Variants in TRAF2 observed in about 807,000 individuals in gnomAD.
TRAF2 encodes the protein TNF receptor associated factor 2, also known as TNF receptor-associated factor 2.
TRAF2 carries 6 observed loss-of-function variants against 55.6 expected under a neutral mutation model. The ratio of observed to expected loss-of-function variants is 0.11; its 90% CI spans 0.06 to 0.21. The LOEUF (loss-of-function observed/expected upper bound fraction) is 0.21, where lower values mean the gene tolerates loss of function less well. Among genes scored for constraint, TRAF2 ranks in the 10% least tolerant of loss-of-function variants. TRAF2 has a pLI of 1.00. For missense variants in TRAF2, 561 were observed against 684.5 expected, an observed-to-expected ratio of 0.82 and a Z score of 2.01; for synonymous variants, 329 against 276.3, an observed-to-expected ratio of 1.19 and a Z score of -1.89.
At chr9:136,892,196 G>C (rs1385829274) in intron 1 of TRAF2, among the ~76,000 whole-genome samples, 1 of 151,396 alleles carries the variant, frequency 6.6e-6, no homozygotes. Flanking sequence ...AGGCGCGGTG[G>C]CTCACGCCTG....
In TRAF2 at chr9:136,902,441, G is replaced by A. The variant is rs771016990; in HGVS notation, c.366+1921G>A. 3.3e-5 allele frequency: 5 copies of A among 152,440 alleles called. No homozygotes were observed. In the East Asian group the frequency reaches 9.6e-4, roughly 29 times the overall value. The allele number at this position is 152,440 out of a possible 1,614,324, so 9.4% of individuals were successfully genotyped here. A position where few individuals can be genotyped will look rare whatever the true frequency, so the allele number is the denominator to read the frequency against. ...CTCTGCACTGGACCCTGAGTCCTCT[G>A]GGGTCTCTGCCACCTCCAGGCTCAT... is the stretch of plus-strand genomic sequence containing the variant. On this transcript the variant is annotated intron_variant, in intron 4 of 10. Transcript: ENST00000247668.
intron 1 of TRAF2, chr9:136,898,467 G>A (rs774072774): frequency 2.5e-5 from 12 of 489,112 alleles, no homozygotes; most frequent in Non-Finnish European, 3.2e-5. Flanking sequence ...TGGGTTGGTT[G>A]TGTGGATGCC....
At chr9:136,921,954 C>T (rs189916395) in intron 9 of TRAF2, among the ~76,000 whole-genome samples, 1 of 152,358 alleles carries the variant, frequency 6.6e-6, no homozygotes, top group Non-Finnish European at 1.5e-5. Flanking sequence ...TGCCATGGCT[C>T]AGAACACGCC....
rs182973891 is a variant in TRAF2, at chr9:136,902,721, A to T, written c.366+2201A>T. On this transcript the variant is annotated intron_variant, in intron 4 of 10. Coordinates refer to ENST00000247668, the MANE Select transcript of TRAF2 (RefSeq NM_021138.4). ...CTCTCACTGGCTGTAAATGTCACAC[A>T]TGGGGACGGAAATCAACCCGTCTAT... 2.0e-5 allele frequency among the ~76,000 whole-genome samples: 3 copies of T among 152,184 alleles called. No homozygotes were observed. The East Asian group carries it at 5.8e-4, about 29-fold the overall frequency.
At chr9:136,891,662 T>C (rs1334987584) in intron 1 of TRAF2, among the ~76,000 whole-genome samples, 1 of 152,118 alleles carries the variant, frequency 6.6e-6, no homozygotes, top group East Asian at 1.9e-4. Context: ...TCAAGCTTTG[T>C]CTGAAAGATG....
At chr9:136,891,720 G>C (rs905771749) in intron 1 of TRAF2, among the ~76,000 whole-genome samples, 5 of 149,110 alleles carry the variant, frequency 3.4e-5, no homozygotes, top group Non-Finnish European at 6.0e-5. Context: ...CGCTCACCCT[G>C]AATCTTTTTT....
In TRAF2 at chr9:136,926,394, G is replaced by A; in HGVS notation, c.*493G>A. 7.3e-6 allele frequency: 2 copies of A among 272,758 alleles called. No homozygotes were observed. The highest frequency in any genetic ancestry group is 2.0e-4 in the East Asian group (2 of 10,254). 16.9% of individuals were successfully genotyped at this position (272,758 alleles called of 1,614,324 possible). A position where few individuals can be genotyped will look rare whatever the true frequency, so the allele number is the denominator to read the frequency against. ...AGCTTGGTTCTCCCCTCTGGCCCCT[G>A]GAGAGAAGGGAGCATTCCTAGACCC... On this transcript the variant is annotated 3_prime_UTR_variant, in exon 11 of 11. Coordinates refer to ENST00000247668, the MANE Select transcript of TRAF2 (RefSeq NM_021138.4).
chr9:136,925,732 C>T lies in TRAF2; in HGVS notation c.1337C>T (p.Ala446Val), dbSNP rs2131340028. ...AATAACCGGGAGCACGTGATTGACGCCTTCAGGCCCGACGTGACTTCATCC... is the reference window on the plus strand; with the variant it reads ...AATAACCGGGAGCACGTGATTGACGTCTTCAGGCCCGACGTGACTTCATCC... The part of the protein sequence containing the change: ...DQNNREHVID[A>V]FRPDVTSSSF... Residue 446 changes from alanine to valine, a missense_variant, in exon 11 of 11, where the codon GCC (alanine) becomes GTC (valine). Transcript: ENST00000247668. The T allele has an allele frequency of 6.2e-7, 1 of 1,614,224 alleles. No homozygotes were observed. The highest frequency in any genetic ancestry group is 8.5e-7 in the Non-Finnish European group (1 of 1,180,048).
chr9:136,922,759 G>T (rs1227721916), intron 9 of TRAF2, among the ~76,000 whole-genome samples: 1 of 134,376 alleles, frequency 7.4e-6, no homozygotes, highest in Non-Finnish European at 1.6e-5. Flanking sequence ...TGGGCATGTG[G>T]TGGAGGACTA....
chr9:136,907,595 G>C (rs1849984823), intron 4 of TRAF2, among the ~76,000 whole-genome samples: 2 of 152,202 alleles, frequency 1.3e-5, no homozygotes, highest in Non-Finnish European at 2.9e-5. Flanking sequence ...TCCCGTGCGT[G>C]TTCCCTACCT....
intron 2 of TRAF2, 26 bp from the exon 3 acceptor site, chr9:136,899,568 T>G (rs1345342525): frequency 1.1e-5 from 18 of 1,599,298 alleles, no homozygotes; most frequent in Non-Finnish European, 1.5e-5. Context: ...CACAGTGGGT[T>G]GTTTTTTGCC....
chr9:136,922,963 C>T (rs1336695092), intron 9 of TRAF2, among the ~76,000 whole-genome samples: 2 of 147,358 alleles, frequency 1.4e-5, no homozygotes, highest in East Asian at 2.0e-4. Flanking sequence ...TGGGGGCACG[C>T]GGTGGAGGAC....
chr9:136,897,041 C>G (rs1335701842), intron 1 of TRAF2, among the ~76,000 whole-genome samples: 1 of 152,192 alleles, frequency 6.6e-6, no homozygotes, highest in Non-Finnish European at 1.5e-5. Flanking sequence ...CAACATCAGC[C>G]CAACCCTGAC....
chr9:136,891,861 A>G (rs1014948838), intron 1 of TRAF2, among the ~76,000 whole-genome samples: 30 of 151,818 alleles, frequency 2.0e-4, no homozygotes, highest in African/African-American at 6.5e-4. Context: ...AGCTGGAATT[A>G]CAGGCGTGAG....
At chr9:136,906,938 C>T (rs1207150966) in intron 4 of TRAF2, among the ~76,000 whole-genome samples, 1 of 152,244 alleles carries the variant, frequency 6.6e-6, no homozygotes, top group Non-Finnish European at 1.5e-5. Context: ...GTGAGAGGTG[C>T]AGCTGCCAGG....
rs565914741 is a variant in TRAF2, at chr9:136,911,918, C to T, written c.603+1924C>T. Among the ~76,000 whole-genome samples the T allele has an allele frequency of 5.7e-3, 735 of 129,822 alleles. 6 individuals carry two copies. Among genetic ancestry groups the T allele is most frequent in the Non-Finnish European group, 8.1e-3 (527 of 64,732 alleles). 85.2% of individuals were successfully genotyped at this position (129,822 alleles called of 152,430 possible). A position where few individuals can be genotyped will look rare whatever the true frequency, so the allele number is the denominator to read the frequency against. ...AGGCTGGAGGGCAGTGGCGAGATCT[C>T]GGTTCACTGCAAGCTCCGCCTCCTG... On this transcript the variant is annotated intron_variant, in intron 6 of 10. Transcript: ENST00000247668.
intron 4 of TRAF2, 60 bp from the exon 5 acceptor site, chr9:136,908,010 G>C: frequency 6.4e-7 from 1 of 1,551,420 alleles, no homozygotes; most frequent in Non-Finnish European, 8.7e-7. Context: ...CCCGGGTGAA[G>C]CTGTGGCTGC....
chr9:136,921,098 A>C lies in TRAF2; in HGVS notation c.1021A>C (p.Lys341Gln). Reference protein sequence around the residue: ...KDLAMADLEQKVLEMEASTYD... With the variant: ...KDLAMADLEQQVLEMEASTYD... ...CCTGGCGATGGCTGACTTGGAGCAG[A>C]AGGTCTTGGAGATGGAGGCATCCAC... Residue 341 changes from lysine to glutamine, a missense_variant, in exon 9 of 11, where the codon AAG becomes CAG. Around this residue, in one of 2 missense-constraint regions of TRAF2, gnomAD observed 426 missense variants for 476.8 expected, o/e 0.89. Coordinates refer to ENST00000247668, the MANE Select transcript of TRAF2 (RefSeq NM_021138.4). 1 of 1,614,034 alleles carries C rather than the reference A, an allele frequency of 6.2e-7. No individual in the cohort carries two copies.
chr9:136,924,348 C>T (rs922989615), intron 10 of TRAF2, among the ~76,000 whole-genome samples: 1 of 151,970 alleles, frequency 6.6e-6, no homozygotes, highest in African/African-American at 2.4e-5. Context: ...TTGCTTGAAC[C>T]CAGGAGTTTG....
Sources: allele counts gnomAD v4.1 joint callset (sites outside exome capture counted in the v4.1 genomes callset), GRCh38; gene constraint gnomAD v4.1.1; regional missense constraint gnomAD v4.1.1; transcripts MANE v1.5; gene names NCBI Gene and HGNC (gene_info 2026-07-23, HGNC 2026-07-21).